SYN3: variants seen among roughly 807,000 people sequenced by gnomAD.
The protein encoded by SYN3 is synapsin-3.
A neutral mutation model predicts 65.8 loss-of-function variants in SYN3; 35 were observed. The observed-to-expected ratio is 0.53, with a 90% CI of 0.41 to 0.70. The LOEUF is 0.70. SYN3 is among the 30% of genes least tolerant of loss of function. SYN3 has a pLI of 0.00. For synonymous variants in SYN3, 270 were observed against 292.9 expected, an observed-to-expected ratio of 0.92 and a Z score of 0.80; for missense variants, 680 against 749.0, an observed-to-expected ratio of 0.91 and a Z score of 1.08.
chr22:32,594,660 G>C (rs1300888757), intron 7 of SYN3, among the ~76,000 whole-genome samples: 1 of 152,068 alleles, frequency 6.6e-6, no homozygotes, highest in African/African-American at 2.4e-5. Context: ...GCTAATTTTT[G>C]TATTTTTAGT....
rs78947037 is a variant in SYN3 at position 32,628,998 on chromosome 22, G to A, written c.712-32262C>T. On this transcript the variant is annotated intron_variant, in intron 6 of 13. Coordinates refer to ENST00000358763, the MANE Select transcript of SYN3 (RefSeq NM_003490.4). ...AGACCTGGGCAGGTAGAATTGCTCC[G>A]CCTGATAGAAAGAGAACCTGGAGCT... Among the ~76,000 whole-genome samples, 248 of 152,268 alleles carry A rather than the reference G, an allele frequency of 1.6e-3. 3 individuals carry two copies. The East Asian group carries it at 0.04, about 24-fold the overall frequency.
At chr22:32,775,705 C>T (rs59631426) in intron 6 of SYN3, among the ~76,000 whole-genome samples, 107,049 of 151,688 alleles carry the variant, frequency 0.71, 38,322 homozygotes, top group African/African-American at 0.83. Context: ...CTGCCACTTC[C>T]TGGCCCTTTG....
chr22:32,663,248 C>T (rs923738233), intron 6 of SYN3, among the ~76,000 whole-genome samples: 1 of 152,052 alleles, frequency 6.6e-6, no homozygotes, highest in Non-Finnish European at 1.5e-5. Context: ...GATTGTGAGG[C>T]CTCCCCAGCC....
chr22:32,972,589 G>A (rs1214364117), intron 3 of SYN3, among the ~76,000 whole-genome samples: 1 of 152,204 alleles, frequency 6.6e-6, no homozygotes, highest in Non-Finnish European at 1.5e-5. Context: ...TGCAGGAATT[G>A]AAGGTAGAAA....
At chr22:32,865,996 G>A (rs567457434) in intron 5 of SYN3, among the ~76,000 whole-genome samples, 4 of 152,278 alleles carry the variant, frequency 2.6e-5, no homozygotes, top group South Asian at 2.1e-4. Context: ...ATGCTGTGGC[G>A]TCAGTTGCAG....
chr22:32,995,811 C>T (rs533958144), intron 2 of SYN3, among the ~76,000 whole-genome samples: 5 of 149,754 alleles, frequency 3.3e-5, no homozygotes, highest in Admixed American at 6.6e-5. Flanking sequence ...TACAGGCATG[C>T]GCCACCACGC....
At chr22:32,598,395 G>C (rs1453346812) in intron 6 of SYN3, among the ~76,000 whole-genome samples, 4 of 152,218 alleles carry the variant, frequency 2.6e-5, no homozygotes, top group Non-Finnish European at 5.9e-5. Context: ...GGAAGGGGTG[G>C]AGCTGGGACT....
chr22:32,790,709 G>T (rs977984145), intron 6 of SYN3, among the ~76,000 whole-genome samples: 1 of 152,126 alleles, frequency 6.6e-6, no homozygotes, highest in African/African-American at 2.4e-5. Context: ...TTACAGGTGT[G>T]AGCTACTGTG....
intron 4 of SYN3, among the ~76,000 whole-genome samples, chr22:32,869,929 C>T (rs963805296): frequency 6.6e-6 from 1 of 151,980 alleles, no homozygotes; most frequent in East Asian, 1.9e-4. Flanking sequence ...GCAGGAGAGC[C>T]GCATTGGAAC....
intron 2 of SYN3, among the ~76,000 whole-genome samples, chr22:32,997,752 C>T (rs1038166216): frequency 1.3e-5 from 2 of 152,056 alleles, no homozygotes; most frequent in South Asian, 2.1e-4. Context: ...ACCGGCCGGG[C>T]GCGGTGGCTC....
At chr22:33,034,243 A>ACTTTCTTT (rs544169687) in intron 1 of SYN3, among the ~76,000 whole-genome samples, 1 of 151,292 alleles carries the variant, frequency 6.6e-6, no homozygotes, top group South Asian at 2.1e-4. Flanking sequence ...TGTATGTACT[A>ACTTTCTTT]CTTGCTTTCT....
At chr22:32,926,132 G>A (rs1480953956) in intron 4 of SYN3, among the ~76,000 whole-genome samples, 7 of 152,158 alleles carry the variant, frequency 4.6e-5, no homozygotes, top group African/African-American at 1.7e-4. Context: ...GATTACAGGC[G>A]TAAGCCATTG....
At position 32,835,448 on chromosome 22, in the gene SYN3, G is replaced by A. The variant is rs1394740403; in HGVS notation, c.711+29467C>T. Among the ~76,000 whole-genome samples the A allele has an allele frequency of 2.0e-5, 3 of 152,208 alleles. No individual in the cohort carries two copies. The East Asian group carries it at 5.8e-4, about 29-fold the overall frequency. Reference sequence around the variant, plus strand: ...AGGGCCCCTGAGAATACAAAACAGGGGTTCTGTTCTAGTCTTATGCTTGCA... The same window carrying A: ...AGGGCCCCTGAGAATACAAAACAGGAGTTCTGTTCTAGTCTTATGCTTGCA... On this transcript the variant is annotated intron_variant, in intron 6 of 13. Transcript: ENST00000358763.
At chr22:32,747,910 G>C (rs1466453886) in intron 6 of SYN3, among the ~76,000 whole-genome samples, 1 of 152,204 alleles carries the variant, frequency 6.6e-6, no homozygotes, top group Non-Finnish European at 1.5e-5. Flanking sequence ...TATCTGCAAA[G>C]CTGGAGCAGC....
chr22:32,678,214 T>G (rs547092872), intron 6 of SYN3, among the ~76,000 whole-genome samples: 4 of 152,152 alleles, frequency 2.6e-5, no homozygotes, highest in Non-Finnish European at 4.4e-5. Flanking sequence ...GGAAATGAAT[T>G]TGACTCTAGA....
rs191820406 is a variant in SYN3, at chr22:33,045,977, T to G, written c.-163+12315A>C. Among the ~76,000 whole-genome samples the G allele has an allele frequency of 4.9e-4, 73 of 149,750 alleles. No homozygotes were observed. The East Asian group carries it at 0.012, about 25-fold the overall frequency. On this transcript the variant is annotated intron_variant, in intron 1 of 13. Coordinates refer to ENST00000358763, the MANE Select transcript of SYN3 (RefSeq NM_003490.4). ...GAAAGTACTGGTATATAAAGAATGC[T>G]AAAAGCTCAACAATAAAAAAAGCAA... is the stretch of plus-strand genomic sequence containing the variant.
chr22:32,822,318 T>C (rs2047273249), intron 6 of SYN3, among the ~76,000 whole-genome samples: 1 of 152,168 alleles, frequency 6.6e-6, no homozygotes, highest in South Asian at 2.1e-4. Flanking sequence ...TGGGATGTGC[T>C]CCATGTGCTG....
chr22:32,550,743 G>A (rs1386313909), intron 7 of SYN3, among the ~76,000 whole-genome samples: 1 of 151,798 alleles, frequency 6.6e-6, no homozygotes, highest in Non-Finnish European at 1.5e-5. Flanking sequence ...CCCAGATTGT[G>A]GTCTCTAAAA....
intron 1 of SYN3, among the ~76,000 whole-genome samples, chr22:33,050,219 C>T (rs1247804682): frequency 1.3e-5 from 2 of 152,074 alleles, no homozygotes; most frequent in African/African-American, 2.4e-5. Flanking sequence ...CAGTGGCTCA[C>T]ACCTGTAACC....
Sources: allele counts gnomAD v4.1 joint callset (sites outside exome capture counted in the v4.1 genomes callset), GRCh38; gene constraint gnomAD v4.1.1; transcripts MANE v1.5; gene names NCBI Gene and HGNC (gene_info 2026-07-23, HGNC 2026-07-21).